The following TSHZ2 variants were observed in gnomAD, a reference collection of about 807,000 sequenced individuals.
The protein encoded by TSHZ2 is teashirt zinc finger homeobox 2, also known as teashirt homolog 2.
A neutral mutation model predicts 74.4 loss-of-function variants in TSHZ2; 21 were observed. That is an observed-to-expected ratio of 0.28 (90% confidence interval 0.20 to 0.41). The LOEUF is 0.41. Ranked by LOEUF, TSHZ2 falls within the 10% of genes least tolerant of loss-of-function variation. TSHZ2 has a pLI of 1.00. For synonymous variants in TSHZ2, 540 were observed against 515.3 expected (o/e 1.05, Z -0.65); for missense variants, 1,244 against 1,293.5 (o/e 0.96, Z 0.59).
At chr20:53,323,901 C>T (rs1278633602) in intron 2 of TSHZ2, among the ~76,000 whole-genome samples, 5 of 152,076 alleles carry the variant, frequency 3.3e-5, no homozygotes, top group Non-Finnish European at 7.4e-5. Context: ...TTATTACATC[C>T]TCTTGATCAC....
intron 1 of TSHZ2, among the ~76,000 whole-genome samples, chr20:53,049,975 C>T (rs1303790065): frequency 1.3e-5 from 2 of 150,654 alleles, no homozygotes; most frequent in Admixed American, 6.6e-5. Flanking sequence ...CCAGCTACTC[C>T]GGAGGCTGAG....
intron 2 of TSHZ2, chr20:53,421,690 T>G (rs886311627): frequency 2.8e-5 from 4 of 140,674 alleles, no homozygotes; most frequent in Non-Finnish European, 6.1e-5. Flanking sequence ...GGTTTTTTTT[T>G]TTTTTTTTTT....
chr20:52,982,231 C>A (rs933191792), intron 1 of TSHZ2, among the ~76,000 whole-genome samples: 1 of 152,132 alleles, frequency 6.6e-6, no homozygotes, highest in Non-Finnish European at 1.5e-5. Flanking sequence ...CAAGTTCGTG[C>A]GGTAGCCAAG....
intron 1 of TSHZ2, among the ~76,000 whole-genome samples, chr20:53,032,934 G>T (rs759039811): frequency 1.3e-5 from 2 of 151,988 alleles, no homozygotes; most frequent in Non-Finnish European, 2.9e-5. Context: ...GATAATAATC[G>T]TTCATACCCA....
At chr20:53,088,091 G>A (rs1600683758) in intron 1 of TSHZ2, among the ~76,000 whole-genome samples, 1 of 152,106 alleles carries the variant, frequency 6.6e-6, no homozygotes, top group Admixed American at 6.5e-5. Flanking sequence ...AAGTATCCTG[G>A]GCATAGTTCT....
intron 2 of TSHZ2, among the ~76,000 whole-genome samples, chr20:53,352,913 A>T (rs974606105): frequency 1.3e-5 from 2 of 152,076 alleles, no homozygotes; most frequent in African/African-American, 4.8e-5. Context: ...AGTCTCCACC[A>T]TGTCCAGTAA....
intron 2 of TSHZ2, among the ~76,000 whole-genome samples, chr20:53,372,998 T>C (rs139083813): frequency 6.6e-6 from 1 of 152,180 alleles, no homozygotes; most frequent in East Asian, 1.9e-4. Flanking sequence ...CTAACCACAG[T>C]TCTTTATGAA....
intron 1 of TSHZ2, among the ~76,000 whole-genome samples, chr20:53,089,833 G>A (rs557538446): frequency 1.3e-5 from 2 of 152,340 alleles, no homozygotes; most frequent in Non-Finnish European, 2.9e-5. Context: ...CCTGGGGAGC[G>A]CCCAAGAATC....
intron 1 of TSHZ2, among the ~76,000 whole-genome samples, chr20:52,998,854 T>C (rs1045154793): frequency 2.0e-5 from 3 of 152,238 alleles, no homozygotes; most frequent in African/African-American, 7.2e-5. Flanking sequence ...TATTGCTGGC[T>C]ACTTAGTTTA....
At chr20:53,146,829 G>T (rs1306896182) in intron 1 of TSHZ2, among the ~76,000 whole-genome samples, 1 of 152,198 alleles carries the variant, frequency 6.6e-6, no homozygotes, top group East Asian at 1.9e-4. Context: ...CAGGGAGGTA[G>T]AGGAGCGAGG....
chr20:53,168,941 A>G (rs1003431823), intron 1 of TSHZ2: 31 of 152,302 alleles, frequency 2.0e-4, no homozygotes, highest in African/African-American at 7.2e-4. Context: ...TTTATTGAAT[A>G]ATGTTCAAAA....
chr20:53,358,350 T>C, intron 2 of TSHZ2, among the ~76,000 whole-genome samples: 1 of 145,626 alleles, frequency 6.9e-6, no homozygotes, highest in Non-Finnish European at 1.5e-5. Context: ...TTTTTTTTTT[T>C]TTTTTTCCCA....
chr20:53,438,267 AC>A (rs1302713839), intron 2 of TSHZ2, among the ~76,000 whole-genome samples: 1 of 151,260 alleles, frequency 6.6e-6, no homozygotes, highest in Admixed American at 6.6e-5. Flanking sequence ...CCGCCACGAC[AC>A]CCCGCTAATT....
chr20:52,973,585 A>C (rs1276078160), intron 1 of TSHZ2, among the ~76,000 whole-genome samples: 1 of 150,558 alleles, frequency 6.6e-6, no homozygotes, highest in African/African-American at 2.4e-5. Flanking sequence ...TCCACCCTCT[A>C]CCCCACCCCT....
chr20:53,082,977 G>T (rs1424827488), intron 1 of TSHZ2, among the ~76,000 whole-genome samples: 1 of 152,210 alleles, frequency 6.6e-6, no homozygotes, highest in African/African-American at 2.4e-5. Flanking sequence ...GACACTTAGT[G>T]GTGGTAACTC....
At chr20:53,319,717 C>A (rs889788815) in intron 2 of TSHZ2, among the ~76,000 whole-genome samples, 2 of 152,236 alleles carry the variant, frequency 1.3e-5, no homozygotes, top group Non-Finnish European at 2.9e-5. Context: ...AGCTATTTAA[C>A]TTCTCTGAGT....
chr20:53,313,027 C>T (rs1250937512), intron 2 of TSHZ2, among the ~76,000 whole-genome samples: 1 of 152,088 alleles, frequency 6.6e-6, no homozygotes, highest in Non-Finnish European at 1.5e-5. Context: ...ATGTAATGTC[C>T]AAATATTATG....
At chr20:53,160,848 T>C (rs901498312) in intron 1 of TSHZ2, among the ~76,000 whole-genome samples, 1 of 151,870 alleles carries the variant, frequency 6.6e-6, no homozygotes, top group Non-Finnish European at 1.5e-5. Context: ...CATAGGCCCA[T>C]CTTCTTTGAA....
At chr20:53,225,222 T>C (rs991138308) in intron 1 of TSHZ2, among the ~76,000 whole-genome samples, 12 of 152,232 alleles carry the variant, frequency 7.9e-5, no homozygotes, top group Non-Finnish European at 2.9e-5. Context: ...AAAGAGACTA[T>C]TGAAGGCAGA....
Sources: gnomAD v4.1 joint callset for allele counts (sites outside exome capture counted in the v4.1 genomes callset) on GRCh38, gnomAD v4.1.1 for gene constraint, MANE v1.5 for transcripts, NCBI Gene and HGNC (gene_info 2026-07-23, HGNC 2026-07-21) for gene names.